MAGI2: variants seen among roughly 807,000 people sequenced by gnomAD.
MAGI2 encodes membrane associated guanylate kinase, WW and PDZ domain containing 2, also known as membrane-associated guanylate kinase, WW and PDZ domain-containing protein 2.
A neutral mutation model predicts 133.3 loss-of-function variants in MAGI2; 35 were observed. That is an observed-to-expected ratio of 0.26 (90% CI 0.20 to 0.35). MAGI2 has a LOEUF of 0.35. Ranked by LOEUF, MAGI2 falls within the 10% of genes least tolerant of loss-of-function variation. The pLI, the probability that MAGI2 is intolerant of heterozygous loss-of-function variation, is 1.00. For synonymous variants in MAGI2, 729 were observed against 710.6 expected, an observed-to-expected ratio of 1.03 and a Z score of -0.41; for missense variants, 1,636 against 1,863.4, an observed-to-expected ratio of 0.88 and a Z score of 2.25.
chr7:78,174,766 G>C (rs1229540952), intron 14 of MAGI2, among the ~76,000 whole-genome samples: 1 of 152,170 alleles, frequency 6.6e-6, no homozygotes, highest in Non-Finnish European at 1.5e-5. Flanking sequence ...GTAATTAGAG[G>C]GTTGTGTCTT....
intron 20 of MAGI2, among the ~76,000 whole-genome samples, chr7:78,124,714 T>A (rs886715478): frequency 6.6e-6 from 1 of 151,794 alleles, no homozygotes. Flanking sequence ...ACAGAGAGAG[T>A]AAAGAGACTA....
chr7:78,058,001 A>ATGTGTGTGTGTGTGTGTGTGTG (rs1237650726), intron 21 of MAGI2, among the ~76,000 whole-genome samples: 1 of 111,376 alleles, frequency 9.0e-6, no homozygotes, highest in African/African-American at 3.4e-5. Context: ...ATATATATAT[A>ATGTGTGTGTGTGTGTGTGTGTG]TATGTATGAG....
chr7:78,782,995 T>C (rs1220312645), intron 2 of MAGI2, among the ~76,000 whole-genome samples: 1 of 150,200 alleles, frequency 6.7e-6, no homozygotes, highest in Non-Finnish European at 1.5e-5. Context: ...TTGACAATAC[T>C]TGAAAATGAT....
chr7:78,280,473 C>T (rs970866419), intron 9 of MAGI2, among the ~76,000 whole-genome samples: 2 of 152,118 alleles, frequency 1.3e-5, no homozygotes, highest in Non-Finnish European at 2.9e-5. Context: ...TTCCTGGCAG[C>T]TGGTTATCCC....
chr7:79,204,581 C>T (rs1828878799), intron 1 of MAGI2, among the ~76,000 whole-genome samples: 1 of 151,996 alleles, frequency 6.6e-6, no homozygotes, highest in East Asian at 1.9e-4. Flanking sequence ...GAAAACATAA[C>T]ATCATCAAAT....
At chr7:78,656,275 T>C (rs968566373) in intron 2 of MAGI2, among the ~76,000 whole-genome samples, 2 of 152,170 alleles carry the variant, frequency 1.3e-5, no homozygotes, top group Admixed American at 6.5e-5. Flanking sequence ...ATTTTTCTCA[T>C]TGGAATCAAC....
At chr7:78,753,770 G>A (rs565580332) in intron 2 of MAGI2, among the ~76,000 whole-genome samples, 163 of 149,568 alleles carry the variant, frequency 1.1e-3, no homozygotes, top group Non-Finnish European at 2.1e-3. Context: ...TTTTGAAAAC[G>A]ATAAATAAGA....
At chr7:78,875,438 A>C (rs1259972793) in intron 2 of MAGI2, among the ~76,000 whole-genome samples, 1 of 152,200 alleles carries the variant, frequency 6.6e-6, no homozygotes, top group African/African-American at 2.4e-5. Flanking sequence ...GCTGAAAATA[A>C]ACTACACAGG....
chr7:78,567,040 T>C (rs1439334384), intron 3 of MAGI2, among the ~76,000 whole-genome samples: 1 of 152,138 alleles, frequency 6.6e-6, no homozygotes, highest in Non-Finnish European at 1.5e-5. Flanking sequence ...AATATTAAAA[T>C]GAAACTGATA....
intron 2 of MAGI2, among the ~76,000 whole-genome samples, chr7:78,812,095 G>A (rs1388636536): frequency 6.6e-6 from 1 of 152,136 alleles, no homozygotes; most frequent in East Asian, 1.9e-4. Context: ...GCAGCCTCAA[G>A]AATCCGGGAA....
At chr7:79,250,153 T>C (rs1232459232) in intron 1 of MAGI2, among the ~76,000 whole-genome samples, 1 of 152,056 alleles carries the variant, frequency 6.6e-6, no homozygotes, top group East Asian at 1.9e-4. Flanking sequence ...AACATAATGA[T>C]AGCCATATAA....
chr7:79,200,497 C>G (rs12668132), intron 1 of MAGI2, among the ~76,000 whole-genome samples: 25,133 of 150,590 alleles, frequency 0.17, 5,230 homozygotes, highest in African/African-American at 0.49. Flanking sequence ...TGTTGTCCCA[C>G]CTACTTGGGG....
chr7:78,575,169 A>G (rs181118391), intron 3 of MAGI2, among the ~76,000 whole-genome samples: 2 of 152,312 alleles, frequency 1.3e-5, no homozygotes, highest in Admixed American at 1.3e-4. Flanking sequence ...TTTAAAAAAA[A>G]ATCTCACAAA....
intron 6 of MAGI2, among the ~76,000 whole-genome samples, chr7:78,410,717 ATGGGAAAGGAATCACTACC>A (rs1797793388): frequency 6.6e-6 from 1 of 151,940 alleles, no homozygotes; most frequent in African/African-American, 2.4e-5. Context: ...AAAGAGTAAG[ATGGGAAAGGAATCACTACC>A]TGGGGGAAAA....
At chr7:78,981,007 C>T (rs574513952) in intron 2 of MAGI2, among the ~76,000 whole-genome samples, 2 of 151,464 alleles carry the variant, frequency 1.3e-5, no homozygotes, top group Admixed American at 1.3e-4. Flanking sequence ...GAAAGTTTTG[C>T]TTAGTCTAAT....
intron 1 of MAGI2, among the ~76,000 whole-genome samples, chr7:79,323,588 G>A (rs1158170217): frequency 6.6e-6 from 1 of 152,160 alleles, no homozygotes; most frequent in African/African-American, 2.4e-5. Context: ...GAGTTTATGA[G>A]CCGCATGGCA....
At chr7:78,566,333 C>A (rs1800938472) in intron 3 of MAGI2, among the ~76,000 whole-genome samples, 1 of 151,980 alleles carries the variant, frequency 6.6e-6, no homozygotes, top group Non-Finnish European at 1.5e-5. Context: ...CCTTGAAAAT[C>A]TGAGAATTCT....
rs371183872 is a variant in MAGI2, at chr7:78,161,344, C to T, written c.2597-1071G>A. 8.6e-5 allele frequency among the ~76,000 whole-genome samples: 13 copies of T among 152,030 alleles called. 1 individual carries two copies. Among genetic ancestry groups the T allele is most frequent in the Non-Finnish European group, 1.3e-4 (9 of 67,960 alleles). Reference sequence around the variant, plus strand: ...GTATTGGCACTCTGATGAAAAGAACCGAAGCAGGCACCTAGAATAATGTAA... The same window carrying T: ...GTATTGGCACTCTGATGAAAAGAACTGAAGCAGGCACCTAGAATAATGTAA... On this transcript the variant is annotated intron_variant, in intron 15 of 21. Transcript: ENST00000354212.
intron 1 of MAGI2, among the ~76,000 whole-genome samples, chr7:79,276,489 A>C (rs1169528010): frequency 6.6e-6 from 1 of 152,184 alleles, no homozygotes; most frequent in East Asian, 1.9e-4. Context: ...ATTTTTTAGC[A>C]ATAAATATTT....
Sources: gnomAD v4.1 joint callset for allele counts (sites outside exome capture counted in the v4.1 genomes callset) on GRCh38, gnomAD v4.1.1 for gene constraint, MANE v1.5 for transcripts, NCBI Gene and HGNC (gene_info 2026-07-23, HGNC 2026-07-21) for gene names.